Variants in ESR1 observed in about 807,000 individuals in gnomAD.
ESR1 encodes estrogen receptor 1, also known as estrogen receptor.
A neutral mutation model predicts 52.7 loss-of-function variants in ESR1; 12 were observed. The ratio of observed to expected loss-of-function variants is 0.23; its 90% CI spans 0.15 to 0.37. ESR1 has a LOEUF of 0.37. ESR1 is among the 10% of genes least tolerant of loss of function. The pLI is 1.00. For missense variants in ESR1, 584 were observed against 779.7 expected (o/e 0.75, Z 2.99); for synonymous variants, 305 against 316.8 (o/e 0.96, Z 0.39).
At chr6:151,952,510 A>C (rs1021179624) in intron 4 of ESR1, among the ~76,000 whole-genome samples, 7 of 152,046 alleles carry the variant, frequency 4.6e-5, no homozygotes, top group African/African-American at 1.2e-4. Context: ...TTTTCTCCTA[A>C]TGAGACGCCT....
At chr6:151,692,365 T>G (rs922389159) in intron 1 of ESR1, among the ~76,000 whole-genome samples, 4 of 152,232 alleles carry the variant, frequency 2.6e-5, no homozygotes, top group African/African-American at 9.6e-5. Flanking sequence ...TTATCCTAGT[T>G]GCTCAGAACA....
At chr6:151,898,973 C>T (rs1306064431) in intron 3 of ESR1, among the ~76,000 whole-genome samples, 13 of 152,008 alleles carry the variant, frequency 8.6e-5, no homozygotes, top group East Asian at 3.9e-4. Flanking sequence ...CCAGTAGGGG[C>T]GGCCGGGCAG....
chr6:151,808,011 CCCCCTGGAGCGG>C lies in ESR1; in HGVS notation c.107_118del (p.Glu36_Leu39del). 1 of 1,613,912 alleles carries C rather than the reference CCCCCTGGAGCGG, an allele frequency of 6.2e-7. No individual in the cohort carries two copies. Among genetic ancestry groups the C allele is most frequent in the Non-Finnish European group, 8.5e-7 (1 of 1,179,958 alleles). ...CCCTGAACCGTCCGCAGCTCAAGAT[CCCCCTGGAGCGG>C]CCCCTGGGCGAGGTGTACCTGGACA... On this transcript the variant is annotated inframe_deletion, in exon 1 of 8. Transcript: ENST00000206249.
chr6:151,861,122 G>C (rs886382675), intron 2 of ESR1, among the ~76,000 whole-genome samples: 21 of 152,204 alleles, frequency 1.4e-4, no homozygotes, highest in South Asian at 1.2e-3. Flanking sequence ...AATTAAATTT[G>C]GTTGGATGTA....
chr6:152,070,725 C>T (rs1355673418), intron 6 of ESR1, among the ~76,000 whole-genome samples: 1 of 139,094 alleles, frequency 7.2e-6, no homozygotes, highest in Admixed American at 6.7e-5. Flanking sequence ...TGGCCTCCCC[C>T]ATGGGGTCAT....
At chr6:151,925,777 T>C (rs2032628761) in intron 3 of ESR1, among the ~76,000 whole-genome samples, 1 of 151,232 alleles carries the variant, frequency 6.6e-6, no homozygotes, top group Non-Finnish European at 1.5e-5. Flanking sequence ...CTCTTAATTG[T>C]TTTTTTCAAA....
At chr6:151,831,348 C>A (rs905844435) in intron 1 of ESR1, among the ~76,000 whole-genome samples, 74 of 152,104 alleles carry the variant, frequency 4.9e-4, no homozygotes, top group African/African-American at 1.6e-3. Flanking sequence ...CTATGTTGCC[C>A]AGGCTGGTCT....
intron 2 of ESR1, among the ~76,000 whole-genome samples, chr6:151,775,528 A>G (rs1363406806): frequency 6.6e-6 from 1 of 152,098 alleles, no homozygotes; most frequent in Non-Finnish European, 1.5e-5. Flanking sequence ...CGGGCGGATC[A>G]CAAGATCAGA....
chr6:152,066,607 C>A (rs760982651), intron 6 of ESR1, among the ~76,000 whole-genome samples: 1 of 152,230 alleles, frequency 6.6e-6, no homozygotes, highest in East Asian at 1.9e-4. Context: ...AGATAAATGG[C>A]ACTTCATAGT....
chr6:151,742,378 G>A (rs1783163512), intron 2 of ESR1, among the ~76,000 whole-genome samples: 2 of 152,054 alleles, frequency 1.3e-5, no homozygotes, highest in African/African-American at 4.8e-5. Flanking sequence ...CCACCAACAG[G>A]GTACAGGGTT....
chr6:152,057,711 A>ACG (rs1355628635), intron 5 of ESR1, among the ~76,000 whole-genome samples: 2 of 151,890 alleles, frequency 1.3e-5, no homozygotes, highest in Non-Finnish European at 2.9e-5. Flanking sequence ...ACACACACAC[A>ACG]CACACACACA....
At chr6:151,904,383 T>C (rs1204525627) in intron 3 of ESR1, among the ~76,000 whole-genome samples, 1 of 152,246 alleles carries the variant, frequency 6.6e-6, no homozygotes, top group Non-Finnish European at 1.5e-5. Flanking sequence ...CACTGCTATA[T>C]AGATATTTAT....
intron 4 of ESR1, among the ~76,000 whole-genome samples, chr6:151,974,268 T>C (rs1247430046): frequency 6.6e-6 from 1 of 152,238 alleles, no homozygotes; most frequent in Non-Finnish European, 1.5e-5. Flanking sequence ...CCAACTCTTA[T>C]TGAGTATTTG....
chr6:151,974,853 T>C (rs556140466), intron 4 of ESR1, among the ~76,000 whole-genome samples: 41 of 152,350 alleles, frequency 2.7e-4, no homozygotes, highest in African/African-American at 9.4e-4. Context: ...CCTCTCTGAC[T>C]CGCTCTGTCT....
At chr6:151,731,000 G>T (rs1421136828) in intron 2 of ESR1, among the ~76,000 whole-genome samples, 1 of 152,148 alleles carries the variant, frequency 6.6e-6, no homozygotes, top group African/African-American at 2.4e-5. Context: ...CTAAGAGTGA[G>T]GAGTACACTC....
chr6:151,754,521 T>C (rs1334607517), intron 2 of ESR1, among the ~76,000 whole-genome samples: 1 of 152,236 alleles, frequency 6.6e-6, no homozygotes, highest in African/African-American at 2.4e-5. Flanking sequence ...TCAGCCTTCA[T>C]TTATCTTACC....
At chr6:151,857,901 G>A (rs1360638400) in intron 2 of ESR1, among the ~76,000 whole-genome samples, 4 of 152,038 alleles carry the variant, frequency 2.6e-5, no homozygotes, top group African/African-American at 9.7e-5. Flanking sequence ...ATAGGATTAT[G>A]GATAAATTTT....
chr6:151,962,627 G>C (rs968289563), intron 4 of ESR1, among the ~76,000 whole-genome samples: 1 of 152,160 alleles, frequency 6.6e-6, no homozygotes, highest in African/African-American at 2.4e-5. Flanking sequence ...CAAAACAAAA[G>C]TATGTGGCTT....
At chr6:151,732,867 A>G (rs1413367202) in intron 2 of ESR1, among the ~76,000 whole-genome samples, 1 of 152,090 alleles carries the variant, frequency 6.6e-6, no homozygotes, top group Non-Finnish European at 1.5e-5. Flanking sequence ...CAGGAAGAGA[A>G]CTAGAAGTTT....
Sources: allele counts gnomAD v4.1 joint callset (sites outside exome capture counted in the v4.1 genomes callset), GRCh38; gene constraint gnomAD v4.1.1; transcripts MANE v1.5; gene names NCBI Gene and HGNC (gene_info 2026-07-23, HGNC 2026-07-21).